Variants in ACTR3C observed in about 807,000 individuals in gnomAD.
ACTR3C encodes the protein actin-related protein 3C.
A neutral mutation model predicts 26.3 loss-of-function variants in ACTR3C; 18 were observed. The observed-to-expected ratio is 0.68, with a 90% CI of 0.47 to 1.01. The LOEUF (loss-of-function observed/expected upper bound fraction) is 1.01. ACTR3C is among the 50% of genes least tolerant of loss of function. The pLI, the probability that ACTR3C is intolerant of heterozygous loss-of-function variation, is 0.00. For missense variants in ACTR3C, 184 were observed against 250.7 expected, an observed-to-expected ratio of 0.73 and a Z score of 1.80; for synonymous variants, 55 against 94.5, an observed-to-expected ratio of 0.58 and a Z score of 2.42.
the ACTR3C span, among the ~76,000 whole-genome samples, chr7:150,016,781 A>G: frequency 1.3e-5 from 2 of 152,250 alleles, no homozygotes; most frequent in East Asian, 3.9e-4. Flanking sequence ...CAGCAAGACA[A>G]TTAAAGGCAA....
At chr7:150,146,902 G>A in the ACTR3C span, among the ~76,000 whole-genome samples, 2 of 152,174 alleles carry the variant, frequency 1.3e-5, no homozygotes, top group Non-Finnish European at 2.9e-5. Flanking sequence ...GATTGAGATT[G>A]CAGGGTTTAT....
the ACTR3C span, among the ~76,000 whole-genome samples, chr7:150,022,832 C>G: frequency 2.4e-4 from 36 of 150,712 alleles, no homozygotes; most frequent in Non-Finnish European, 3.4e-4. Context: ...GTCTCCACAT[C>G]CATGTGGGGT....
chr7:150,164,201 G>A, the ACTR3C span, among the ~76,000 whole-genome samples: 11 of 152,184 alleles, frequency 7.2e-5, no homozygotes, highest in Non-Finnish European at 1.5e-4. Flanking sequence ...TCACAGACGT[G>A]GAACCCAGCA....
chr7:150,271,264 G>A (rs1362458805), intron 6 of ACTR3C, among the ~76,000 whole-genome samples: 1 of 145,968 alleles, frequency 6.9e-6, no homozygotes, highest in Non-Finnish European at 1.5e-5. Context: ...AGGTATACAC[G>A]TGCCACGGTG....
chr7:149,984,168 T>C, the ACTR3C span, among the ~76,000 whole-genome samples: 160 of 152,126 alleles, frequency 1.1e-3, no homozygotes, highest in African/African-American at 3.8e-3. Flanking sequence ...TATGTTTTTT[T>C]CCCTGTTTTA....
chr7:150,231,476 A>G, the ACTR3C span, among the ~76,000 whole-genome samples: 3 of 151,254 alleles, frequency 2.0e-5, no homozygotes, highest in Non-Finnish European at 4.4e-5. Context: ...ATCACTGAAC[A>G]TGCTGGCTGC....
At chr7:150,226,126 T>C in the ACTR3C span, among the ~76,000 whole-genome samples, 1 of 152,252 alleles carries the variant, frequency 6.6e-6, no homozygotes, top group African/African-American at 2.4e-5. Flanking sequence ...CTTCTAGTTT[T>C]TAGTGGTTGT....
chr7:150,134,855 T>A, the ACTR3C span, among the ~76,000 whole-genome samples: 1 of 152,252 alleles, frequency 6.6e-6, no homozygotes, highest in Non-Finnish European at 1.5e-5. Flanking sequence ...AACTTCATCA[T>A]CATCAAGTTT....
chr7:149,999,903 A>C, the ACTR3C span, among the ~76,000 whole-genome samples: 49 of 152,208 alleles, frequency 3.2e-4, no homozygotes, highest in African/African-American at 1.2e-3. Flanking sequence ...TTTTCTAAAA[A>C]TATAAATCAC....
chr7:150,141,795 C>T, the ACTR3C span, among the ~76,000 whole-genome samples: 1 of 151,874 alleles, frequency 6.6e-6, no homozygotes, highest in Non-Finnish European at 1.5e-5. Flanking sequence ...GCATACTGAG[C>T]AGACTGTGTT....
the ACTR3C span, among the ~76,000 whole-genome samples, chr7:149,942,821 C>T: frequency 1.3e-5 from 2 of 150,386 alleles, no homozygotes; most frequent in African/African-American, 5.0e-5. Flanking sequence ...TGGCAGCCGC[C>T]AACTCTGGAC....
chr7:149,996,923 G>A, the ACTR3C span, among the ~76,000 whole-genome samples: 1 of 150,282 alleles, frequency 6.7e-6, no homozygotes, highest in East Asian at 1.9e-4. Context: ...GCCACCCGGG[G>A]CCACGCCAGC....
the ACTR3C span, among the ~76,000 whole-genome samples, chr7:150,104,877 G>A: frequency 6.6e-6 from 1 of 151,954 alleles, no homozygotes; most frequent in African/African-American, 2.4e-5. Flanking sequence ...GTAGGACTTA[G>A]GTAAGAGTGA....
the ACTR3C span, among the ~76,000 whole-genome samples, chr7:150,017,695 T>C: frequency 4.0e-5 from 6 of 149,598 alleles, no homozygotes; most frequent in South Asian, 8.4e-4. Flanking sequence ...CTCCCAACCC[T>C]GGCCCACCAG....
the ACTR3C span, among the ~76,000 whole-genome samples, chr7:150,167,724 T>C: frequency 1.3e-5 from 2 of 150,514 alleles, no homozygotes; most frequent in African/African-American, 2.5e-5. Flanking sequence ...GGTGTGTGCA[T>C]GGAGGCGGTG....
At chr7:150,157,350 A>G in the ACTR3C span, among the ~76,000 whole-genome samples, 1 of 151,436 alleles carries the variant, frequency 6.6e-6, no homozygotes, top group Non-Finnish European at 1.5e-5. Flanking sequence ...TCCCTAACAC[A>G]TGAATAATTT....
the ACTR3C span, among the ~76,000 whole-genome samples, chr7:150,070,230 G>C: frequency 2.6e-5 from 4 of 152,248 alleles, no homozygotes; most frequent in Non-Finnish European, 5.9e-5. Context: ...CTAATCATCA[G>C]CATCACGGCT....
At chr7:149,948,637 G>C in the ACTR3C span, among the ~76,000 whole-genome samples, 1 of 151,406 alleles carries the variant, frequency 6.6e-6, no homozygotes, top group Non-Finnish European at 1.5e-5. Context: ...TCCCCGGGCA[G>C]TTGCTGGTGT....
At chr7:150,199,725 CAAAAAAAAAAA>C in the ACTR3C span, among the ~76,000 whole-genome samples, 6 of 86,086 alleles carry the variant, frequency 7.0e-5, no homozygotes, top group African/African-American at 9.8e-5. Context: ...ATATTTTTAT[CAAAAAAAAAAA>C]AAAAAAAAAA....
Sources: gnomAD v4.1 joint callset for allele counts (sites outside exome capture counted in the v4.1 genomes callset) on GRCh38, gnomAD v4.1.1 for gene constraint, MANE v1.5 for transcripts, NCBI Gene and HGNC (gene_info 2026-07-23, HGNC 2026-07-21) for gene names.